The following WDR11 variants were observed in gnomAD, a reference collection of about 807,000 sequenced individuals.
WDR11 encodes WD repeat-containing protein 11.
A neutral mutation model predicts 151.2 loss-of-function variants in WDR11; 83 were observed. That is an observed-to-expected ratio of 0.55 (90% CI 0.46 to 0.66). WDR11 has a LOEUF of 0.66. Among genes scored for constraint, WDR11 ranks in the 30% least tolerant of loss-of-function variants. The pLI, the probability that WDR11 is intolerant of heterozygous loss-of-function variation, is 0.00. For missense variants in WDR11, 1,301 were observed against 1,480.9 expected (o/e 0.88, Z 1.99); for synonymous variants, 484 against 533.1 (o/e 0.91, Z 1.27).
chr10:120,869,957 T>C (rs1846475256), intron 9 of WDR11, among the ~76,000 whole-genome samples: 2 of 151,936 alleles, frequency 1.3e-5, no homozygotes, highest in South Asian at 4.2e-4. Context: ...ACCCAGCTAA[T>C]TTTTGTATTT....
intron 2 of WDR11, among the ~76,000 whole-genome samples, chr10:120,857,130 C>A (rs1845975521): frequency 6.6e-6 from 1 of 152,120 alleles, no homozygotes; most frequent in Admixed American, 6.5e-5. Flanking sequence ...ACTTCTCATA[C>A]TTAGAAACGG....
Position 120,866,467 on chromosome 10 carries a change from G to C in WDR11, c.995-102G>C, listed in dbSNP as rs567532687. Reference sequence around the variant, plus strand: ...CCATGCTTGACATTGCATTCATGAAGGAGTGATGCCCAAATTTAGTTGAGG... The same window carrying C: ...CCATGCTTGACATTGCATTCATGAACGAGTGATGCCCAAATTTAGTTGAGG... On this transcript the variant is annotated intron_variant, in intron 7 of 28. Coordinates refer to ENST00000263461, the MANE Select transcript of WDR11 (RefSeq NM_018117.12). 2.2e-5 allele frequency: 29 copies of C among 1,325,838 alleles called. No homozygotes were observed. The South Asian group carries it at 3.2e-4, about 15-fold the overall frequency. 82.1% of individuals were successfully genotyped at this position (1,325,838 alleles called of 1,614,324 possible).
At chr10:120,880,789 G>A (rs1334374416) in intron 12 of WDR11, 37 bp from the exon 13 acceptor site, 1 of 1,541,730 alleles carries the variant, frequency 6.5e-7, no homozygotes, top group Non-Finnish European at 8.9e-7. Context: ...CATGTTTTAT[G>A]CACTGTTCTC....
intron 3 of WDR11, 129 bp downstream of exon 3, chr10:120,858,925 G>A: frequency 8.7e-7 from 1 of 1,154,922 alleles, no homozygotes; most frequent in Non-Finnish European, 1.3e-6. Flanking sequence ...ATTGTGTTTT[G>A]CCTATTCTGC....
At chr10:120,899,076 G>A (rs1372503054) in intron 19 of WDR11, among the ~76,000 whole-genome samples, 1 of 152,164 alleles carries the variant, frequency 6.6e-6, no homozygotes, top group Non-Finnish European at 1.5e-5. Flanking sequence ...GGTGGTCAGA[G>A]CAGAGCTGCT....
At chr10:120,905,485 A>G in intron 26 of WDR11, 69 bp downstream of exon 26, 2 of 1,540,972 alleles carry the variant, frequency 1.3e-6, no homozygotes, top group Admixed American at 3.3e-5. Context: ...TGAACTTTGG[A>G]CTTATGACTT....
rs371837201 is a variant in WDR11 at position 120,909,397 on chromosome 10, T to G, written c.*684T>G. On this transcript the variant is annotated 3_prime_UTR_variant, in exon 29 of 29. Coordinates refer to ENST00000263461, the MANE Select transcript of WDR11 (RefSeq NM_018117.12). ...CACAGTAACCTCATTTTTGAAGTCT[T>G]TCTTTGTACTTTAATGTTCTCTCTG... The G allele has an allele frequency of 1.6e-4, 24 of 153,056 alleles. No homozygotes were observed. Among genetic ancestry groups the G allele is most frequent in the African/African-American group, 5.8e-4 (24 of 41,588 alleles). 9.5% of individuals were successfully genotyped at this position (153,056 alleles called of 1,614,324 possible). A position where few individuals can be genotyped will look rare whatever the true frequency, so the allele number is the denominator to read the frequency against.
At chr10:120,882,858 T>G (rs1198132634) in intron 13 of WDR11, among the ~76,000 whole-genome samples, 1 of 152,094 alleles carries the variant, frequency 6.6e-6, no homozygotes, top group African/African-American at 2.4e-5. Flanking sequence ...TGCTTACTTT[T>G]TAAATATGCT....
chr10:120,892,046 G>A (rs1413231230), intron 19 of WDR11, among the ~76,000 whole-genome samples: 1 of 152,134 alleles, frequency 6.6e-6, no homozygotes. Context: ...TTCAAGGGTG[G>A]TTTTTGAAAA....
chr10:120,865,509 T>G (rs1019060908), intron 6 of WDR11, 121 bp from the exon 7 acceptor site: 14 of 741,506 alleles, frequency 1.9e-5, no homozygotes, highest in Non-Finnish European at 2.6e-5. Context: ...AGTTTTAAAG[T>G]TTGGGATTTG....
chr10:120,889,216 A>G (rs767907198), intron 17 of WDR11, 32 bp downstream of exon 17: 89 of 1,383,416 alleles, frequency 6.4e-5, no homozygotes, highest in Non-Finnish European at 9.1e-5. Context: ...TTGTTATTTC[A>G]TTAAAAAAAA....
At chr10:120,897,898 AAG>A (rs1189629465) in intron 19 of WDR11, among the ~76,000 whole-genome samples, 2 of 152,196 alleles carry the variant, frequency 1.3e-5, no homozygotes, top group African/African-American at 4.8e-5. Flanking sequence ...TGTAAAAAAA[AAG>A]TATTATTAAA....
rs771963536 is a variant in WDR11 at position 120,866,605 on chromosome 10, G to A, written c.1031G>A (p.Arg344Gln). 4.3e-6 allele frequency: 7 copies of A among 1,614,108 alleles called. No homozygotes were observed. The highest frequency in any genetic ancestry group is 2.2e-5 in the South Asian group (2 of 91,082). The change falls in exon 8 of 29, where the codon CGA (arginine) becomes CAA (glutamine). Residue 344 changes from arginine (R) to glutamine (Q), a missense_variant. This residue lies in a region of WDR11 where 692 missense variants were observed against 762.5 expected (regional missense o/e 0.91). Coordinates refer to ENST00000263461, the MANE Select transcript of WDR11 (RefSeq NM_018117.12). ...GTTCAGGAGCTTACCTATGATTTAC[G>A]AAGCCAGTGTGATGCAATCAGGGTG... ...DPVQELTYDL[R>Q]SQCDAIRVTK... is the part of the protein sequence containing the mutation.
At chr10:120,881,637 A>G (rs1158735038) in intron 13 of WDR11, among the ~76,000 whole-genome samples, 2 of 152,080 alleles carry the variant, frequency 1.3e-5, no homozygotes, top group African/African-American at 4.8e-5. Flanking sequence ...TGCTTTTATA[A>G]ATGACATTTT....
rs775989824 is a variant in WDR11, at chr10:120,873,956, ACAT to A, written c.1556+37_1556+39del. The stretch of plus-strand genomic sequence containing the variant: ...TGTCATTGTGATGATGACATCACAA[ACAT>A]CATATCAGAAAAAAAATTCTCATAG... On this transcript the variant is annotated intron_variant, in intron 11 of 28. Coordinates refer to ENST00000263461, the MANE Select transcript of WDR11 (RefSeq NM_018117.12). The A allele has an allele frequency of 7.0e-6, 10 of 1,435,320 alleles. No individual in the cohort carries two copies. The East Asian group carries it at 9.1e-5, about 13-fold the overall frequency. The allele number at this position is 1,435,320 out of a possible 1,614,324, so 88.9% of individuals were successfully genotyped here.
At chr10:120,901,650 T>TA (rs1847820985) in intron 21 of WDR11, among the ~76,000 whole-genome samples, 1 of 152,252 alleles carries the variant, frequency 6.6e-6, no homozygotes, top group Admixed American at 6.5e-5. Context: ...TAGAATCTGT[T>TA]ACATATAATT....
At chr10:120,898,765 A>G (rs190989656) in intron 19 of WDR11, among the ~76,000 whole-genome samples, 32 of 151,966 alleles carry the variant, frequency 2.1e-4, no homozygotes, top group African/African-American at 7.7e-4. Context: ...ACCTTCTGCC[A>G]TGATTGTAAG....
At chr10:120,892,124 C>T (rs1847447891) in intron 19 of WDR11, among the ~76,000 whole-genome samples, 1 of 152,194 alleles carries the variant, frequency 6.6e-6, no homozygotes, top group African/African-American at 2.4e-5. Flanking sequence ...GCTTTTCCTT[C>T]ACTTTTAATA....
chr10:120,908,022 A>G (rs1848131515), intron 28 of WDR11: 5 of 163,116 alleles, frequency 3.1e-5, no homozygotes, highest in South Asian at 3.2e-4. Flanking sequence ...TGACTGGTTC[A>G]GTGTATGCAT....
Sources: gnomAD v4.1 joint callset for allele counts (sites outside exome capture counted in the v4.1 genomes callset) on GRCh38, gnomAD v4.1.1 for gene constraint, gnomAD v4.1.1 regional missense constraint, MANE v1.5 for transcripts, NCBI Gene and HGNC (gene_info 2026-07-23, HGNC 2026-07-21) for gene names.